PRIM2: variants seen among roughly 807,000 people sequenced by gnomAD.
PRIM2 encodes DNA primase subunit 2.
In PRIM2, 39 loss-of-function variants were observed where a neutral mutation model predicts 67.3. That is an observed-to-expected ratio of 0.58 (90% CI 0.45 to 0.76). PRIM2 has a LOEUF of 0.76. Ranked by LOEUF, PRIM2 falls within the 30% of genes least tolerant of loss-of-function variation. The probability of loss-of-function intolerance (pLI) is 0.00; values close to 1 mark genes in which losing one functional copy is unlikely to be tolerated. For missense variants in PRIM2, 398 were observed against 598.7 expected (o/e 0.66, Z 3.50); for synonymous variants, 143 against 198.7 (o/e 0.72, Z 2.36).
At chr6:57,423,111 T>C (rs1771516729) in intron 7 of PRIM2, among the ~76,000 whole-genome samples, 1 of 152,178 alleles carries the variant, frequency 6.6e-6, no homozygotes, top group African/African-American at 2.4e-5. Flanking sequence ...TAGCCTTTGC[T>C]TTTTTTCACT....
intron 10 of PRIM2, among the ~76,000 whole-genome samples, chr6:57,574,359 C>T (rs1178649069): frequency 2.6e-5 from 4 of 151,730 alleles, no homozygotes; most frequent in African/African-American, 9.7e-5. Flanking sequence ...GTGGAGTGTG[C>T]TTTCACTACT....
chr6:57,625,331 G>A (rs1437748740), intron 12 of PRIM2, among the ~76,000 whole-genome samples: 2 of 152,174 alleles, frequency 1.3e-5, no homozygotes, highest in South Asian at 2.1e-4. Context: ...TTTGAGAAAC[G>A]TTACCCTATT....
the PRIM2 span, among the ~76,000 whole-genome samples, chr6:57,288,952 G>A: frequency 1.3e-5 from 2 of 152,140 alleles, no homozygotes; most frequent in African/African-American, 4.8e-5. Flanking sequence ...TGGAGAACGA[G>A]TTTGATGAGT....
intron 10 of PRIM2, among the ~76,000 whole-genome samples, chr6:57,575,997 C>A (rs1230012566): frequency 1.3e-5 from 2 of 152,076 alleles, no homozygotes; most frequent in Non-Finnish European, 2.9e-5. Flanking sequence ...AGGCTGGTCT[C>A]AAACTCCTGA....
chr6:57,495,057 T>A (rs1284846943), intron 7 of PRIM2, among the ~76,000 whole-genome samples: 2 of 152,238 alleles, frequency 1.3e-5, no homozygotes, highest in Non-Finnish European at 2.9e-5. Flanking sequence ...ATCACAAGGC[T>A]CTAGTTTTAA....
chr6:57,436,961 A>G (rs1772030885), intron 7 of PRIM2, among the ~76,000 whole-genome samples: 1 of 152,214 alleles, frequency 6.6e-6, no homozygotes, highest in South Asian at 2.1e-4. Flanking sequence ...TTGCATTGCT[A>G]TAAGGAAATA....
intron 5 of PRIM2, among the ~76,000 whole-genome samples, chr6:57,348,416 A>G (rs1333286517): frequency 2.0e-5 from 3 of 152,192 alleles, no homozygotes; most frequent in African/African-American, 7.2e-5. Flanking sequence ...AGTGGGAGTC[A>G]TTATTTTAAT....
intron 5 of PRIM2, among the ~76,000 whole-genome samples, chr6:57,328,500 A>G (rs1048837799): frequency 6.6e-6 from 1 of 152,192 alleles, no homozygotes; most frequent in Non-Finnish European, 1.5e-5. Context: ...TTCAAGTTTC[A>G]TCTGTGCTGT....
intron 7 of PRIM2, among the ~76,000 whole-genome samples, chr6:57,446,279 TG>T (rs148540866): frequency 8.8e-6 from 1 of 113,992 alleles, no homozygotes; most frequent in African/African-American, 2.7e-5. Flanking sequence ...CATGAGTAAC[TG>T]TTTTTTTTGT....
rs1469076039 is a variant in PRIM2 at position 57,504,219 on chromosome 6, A to G, written c.694-3168A>G. Among the ~76,000 whole-genome samples, 196 of 152,290 alleles carry G rather than the reference A, an allele frequency of 1.3e-3. 5 individuals are homozygous for G. In the East Asian group the frequency reaches 0.016, roughly 13 times the overall value. ...TTTATTGGCATTTTTCTTTATTTTT[A>G]TAATTTACAAGGGTACAAGTGTAGT... is the stretch of plus-strand genomic sequence containing the variant. On this transcript the variant is annotated intron_variant, in intron 7 of 13. Transcript: ENST00000615550.
At chr6:57,643,908 C>T (rs1777290049) in intron 13 of PRIM2, among the ~76,000 whole-genome samples, 6 of 152,142 alleles carry the variant, frequency 3.9e-5, no homozygotes, top group Non-Finnish European at 8.8e-5. Context: ...ATCAGAGATT[C>T]CTAGGGTGCT....
At chr6:57,388,737 G>C (rs1057319756) in intron 7 of PRIM2, among the ~76,000 whole-genome samples, 1 of 152,130 alleles carries the variant, frequency 6.6e-6, no homozygotes, top group African/African-American at 2.4e-5. Context: ...TGATGCCTTT[G>C]CCAAGATGTA....
chr6:57,543,750 T>C (rs1229910125), intron 10 of PRIM2, among the ~76,000 whole-genome samples: 1 of 146,344 alleles, frequency 6.8e-6, no homozygotes, highest in Non-Finnish European at 1.5e-5. Flanking sequence ...GTTGCAGGCA[T>C]TTTTTTTTTT....
chr6:57,482,165 T>G (rs1187101787), intron 7 of PRIM2, among the ~76,000 whole-genome samples: 1 of 152,144 alleles, frequency 6.6e-6, no homozygotes, highest in African/African-American at 2.4e-5. Context: ...TGGATTTTTT[T>G]TTTTTTTTGT....
chr6:57,449,196 G>C (rs1581914738), intron 7 of PRIM2, among the ~76,000 whole-genome samples: 2 of 151,960 alleles, frequency 1.3e-5, no homozygotes, highest in South Asian at 4.2e-4. Flanking sequence ...AAAAATAAAG[G>C]GTTGCTATAC....
chr6:57,474,723 A>C (rs1466494451), intron 7 of PRIM2, among the ~76,000 whole-genome samples: 1 of 152,036 alleles, frequency 6.6e-6, no homozygotes, highest in Non-Finnish European at 1.5e-5. Context: ...GGCCTTTAAG[A>C]GGTGATTAAA....
intron 5 of PRIM2, among the ~76,000 whole-genome samples, chr6:57,331,129 A>G (rs1164762775): frequency 1.3e-5 from 2 of 151,098 alleles, no homozygotes; most frequent in Non-Finnish European, 2.9e-5. Flanking sequence ...TGGATGTTGC[A>G]GTGAGCCGAG....
chr6:57,553,615 C>T (rs1775447819), intron 10 of PRIM2, among the ~76,000 whole-genome samples: 2 of 151,662 alleles, frequency 1.3e-5, no homozygotes, highest in African/African-American at 4.8e-5. Context: ...CATGCACTTT[C>T]GTTGCCCTTC....
the PRIM2 span, among the ~76,000 whole-genome samples, chr6:57,274,577 G>A: frequency 6.6e-4 from 100 of 152,336 alleles, no homozygotes; most frequent in African/African-American, 1.1e-3. Context: ...TGCGCTTCCC[G>A]GGTGATGCGA....
Sources: allele counts gnomAD v4.1 joint callset (sites outside exome capture counted in the v4.1 genomes callset), GRCh38; gene constraint gnomAD v4.1.1; transcripts MANE v1.5; gene names NCBI Gene and HGNC (gene_info 2026-07-23, HGNC 2026-07-21).